The following ARMH1 variants were observed in gnomAD, a reference collection of about 807,000 sequenced individuals.
ARMH1 encodes the protein armadillo-like helical domain containing protein 1.
Under a neutral mutation model 50.2 loss-of-function variants are expected in ARMH1, and 34 were observed. The ratio of observed to expected loss-of-function variants is 0.68; its 90% CI spans 0.51 to 0.90. The LOEUF is 0.90. Among genes scored for constraint, ARMH1 ranks in the 40% least tolerant of loss-of-function variants. The probability of loss-of-function intolerance (pLI) is 0.00; values close to 1 mark genes in which losing one functional copy is unlikely to be tolerated. For synonymous variants in ARMH1, 221 were observed against 224.2 expected (o/e 0.99, Z 0.13); for missense variants, 538 against 553.9 (o/e 0.97, Z 0.29).
rs1441184531 is a variant in ARMH1 at position 44,683,692 on chromosome 1, A to G, written c.-22-5984A>G. 6.6e-6 allele frequency among the ~76,000 whole-genome samples: 1 copy of G among 152,208 alleles called. No individual in the cohort carries two copies. Among genetic ancestry groups the G allele is most frequent in the Admixed American group, 6.5e-5 (1 of 15,282 alleles). ...AGAACAGGATCCATGCCCTTGGCTT[A>G]GTGGGGAAAAACCTGGACTTTGGAG... On this transcript the variant is annotated intron_variant, in intron 1 of 11. Coordinates refer to ENST00000535358, the MANE Select transcript of ARMH1 (RefSeq NM_001145636.2). The surrounding 1 kb of genome is among the most constrained non-coding windows in gnomAD (Gnocchi z 4.2).
At chr1:44,716,525 C>G (rs1198874028) in intron 6 of ARMH1, among the ~76,000 whole-genome samples, 4 of 152,188 alleles carry the variant, frequency 2.6e-5, no homozygotes, top group African/African-American at 7.2e-5. Flanking sequence ...TCTCCAAGGT[C>G]CCAATCTCAG....
At chr1:44,691,269 T>A (rs1425332296) in intron 2 of ARMH1, among the ~76,000 whole-genome samples, 1 of 151,870 alleles carries the variant, frequency 6.6e-6, no homozygotes, top group Non-Finnish European at 1.5e-5. Flanking sequence ...AAACATTTTT[T>A]AAAAATTATA....
intron 6 of ARMH1, among the ~76,000 whole-genome samples, chr1:44,718,346 G>A (rs998157101): frequency 6.6e-6 from 1 of 152,208 alleles, no homozygotes; most frequent in African/African-American, 2.4e-5. Flanking sequence ...AGATGCATGA[G>A]GGGCCAGACC....
Position 44,725,408 on chromosome 1 carries a change from C to T in ARMH1, c.*5C>T. 6.4e-7 allele frequency: 1 copy of T among 1,551,686 alleles called. No individual in the cohort carries two copies. Among genetic ancestry groups the T allele is most frequent in the Non-Finnish European group, 8.7e-7 (1 of 1,146,914 alleles). ...GATGTAGAATCAAAGGAGTAACAGC[C>T]CCTGTGGCAAACCAGGAAGGCCAAG... On this transcript the variant is annotated 3_prime_UTR_variant, in exon 12 of 12. Transcript: ENST00000535358.
intron 5 of ARMH1, among the ~76,000 whole-genome samples, chr1:44,703,659 C>T (rs1192387097): frequency 1.3e-5 from 2 of 150,808 alleles, no homozygotes; most frequent in African/African-American, 4.9e-5. Flanking sequence ...GCCCAGGAGG[C>T]GGAGGTTGCA....
At chr1:44,689,583 C>G in intron 1 of ARMH1, 93 bp from the exon 2 acceptor site, 1 of 987,878 alleles carries the variant, frequency 1.0e-6, no homozygotes, top group Non-Finnish European at 1.5e-6. Context: ...CATGATAAAG[C>G]CACACCCTGC....
At chr1:44,699,898 C>G (rs1264813412) in intron 4 of ARMH1, among the ~76,000 whole-genome samples, 4 of 150,418 alleles carry the variant, frequency 2.7e-5, no homozygotes, top group African/African-American at 9.8e-5. Context: ...GGCACGGTCT[C>G]AGCTCACTAC....
chr1:44,680,437 G>C (rs1645270815), intron 1 of ARMH1, among the ~76,000 whole-genome samples: 1 of 152,236 alleles, frequency 6.6e-6, no homozygotes, highest in African/African-American at 2.4e-5. Flanking sequence ...GCTTCCCAAA[G>C]TGCTGGGATT....
At chr1:44,725,251 G>A (rs1262428315) in intron 11 of ARMH1, 34 bp downstream of exon 11, 11 of 1,551,510 alleles carry the variant, frequency 7.1e-6, no homozygotes, top group South Asian at 1.2e-5. Flanking sequence ...GGGCGCAGGC[G>A]CCGCCAGCAC....
At position 44,681,064 on chromosome 1, in the gene ARMH1, G is replaced by T. The variant is rs995546808; in HGVS notation, c.-23+6191G>T. ...GGCTGGAGTGTAGTGGCGTGATCTC[G>T]GCTCACTGCAAGCTCCACCTCCCGG... is the stretch of plus-strand genomic sequence containing the variant. On this transcript the variant is annotated intron_variant, in intron 1 of 11. Transcript: ENST00000535358. The surrounding 1 kb of genome is among the most constrained non-coding windows in gnomAD (Gnocchi z 4.3). Among the ~76,000 whole-genome samples the T allele has an allele frequency of 1.4e-5, 2 of 147,174 alleles. No individual in the cohort carries two copies. Among genetic ancestry groups the T allele is most frequent in the Non-Finnish European group, 3.0e-5 (2 of 67,494 alleles).
chr1:44,695,143 T>C (rs1253939807), intron 2 of ARMH1, among the ~76,000 whole-genome samples: 1 of 152,192 alleles, frequency 6.6e-6, no homozygotes, highest in Non-Finnish European at 1.5e-5. Flanking sequence ...CAGTAAGAGT[T>C]AGAATCCTAG....
intron 6 of ARMH1, among the ~76,000 whole-genome samples, chr1:44,719,374 A>G (rs913222816): frequency 6.6e-6 from 1 of 152,188 alleles, no homozygotes; most frequent in African/African-American, 2.4e-5. Context: ...GTTCTCTACT[A>G]GTAGCCTTTC....
intron 1 of ARMH1, among the ~76,000 whole-genome samples, chr1:44,677,526 A>C (rs760567214): frequency 5.3e-5 from 8 of 152,244 alleles, no homozygotes; most frequent in Non-Finnish European, 1.2e-4. Flanking sequence ...AAGTCAGAGA[A>C]TCCACATCTG....
chr1:44,709,488 CG>C (rs1164918621), intron 6 of ARMH1, among the ~76,000 whole-genome samples: 1 of 152,076 alleles, frequency 6.6e-6, no homozygotes, highest in Non-Finnish European at 1.5e-5. Context: ...CTGGCTAACA[CG>C]GTGAAACCCC....
intron 6 of ARMH1, among the ~76,000 whole-genome samples, chr1:44,711,572 A>G (rs1343245469): frequency 6.6e-6 from 1 of 152,150 alleles, no homozygotes; most frequent in East Asian, 1.9e-4. Flanking sequence ...GTGCTCATCA[A>G]ATATATGGTT....
At position 44,674,789 on chromosome 1, in the gene ARMH1, T is replaced by C; in HGVS notation, c.-107T>C. Reference sequence around the variant, plus strand: ...CACTCGTCCGAACAGAGTCCTATCCTACGCGGCGGAAGAGTGTGCCCTTTG... The same window carrying C: ...CACTCGTCCGAACAGAGTCCTATCCCACGCGGCGGAAGAGTGTGCCCTTTG... On this transcript the variant is annotated 5_prime_UTR_variant, in exon 1 of 12. Coordinates refer to ENST00000535358, the MANE Select transcript of ARMH1 (RefSeq NM_001145636.2). The C allele has an allele frequency of 5.4e-6, 1 of 185,140 alleles. No homozygotes were observed. The highest frequency in any genetic ancestry group is 1.1e-5 in the Non-Finnish European group (1 of 88,660). The allele number at this position is 185,140 out of a possible 1,614,324, so 11.5% of individuals were successfully genotyped here.
chr1:44,708,008 C>A (rs566580360), intron 6 of ARMH1, among the ~76,000 whole-genome samples: 1 of 152,244 alleles, frequency 6.6e-6, no homozygotes, highest in East Asian at 1.9e-4. Flanking sequence ...TTTAACCAGG[C>A]GCTTCAAAAT....
intron 1 of ARMH1, 106 bp downstream of exon 1, chr1:44,674,979 G>C (rs576397010): frequency 6.7e-6 from 1 of 148,938 alleles, no homozygotes; most frequent in South Asian, 2.0e-4. Context: ...GGATGGATGG[G>C]TGGATGGGAA....
chr1:44,685,624 C>CTT (rs1029524472), intron 1 of ARMH1, among the ~76,000 whole-genome samples: 1 of 145,056 alleles, frequency 6.9e-6, no homozygotes, highest in Admixed American at 6.9e-5. Flanking sequence ...TAGCTTATTT[C>CTT]TTTTTTTTTC....
Sources: allele counts gnomAD v4.1 joint callset (sites outside exome capture counted in the v4.1 genomes callset), GRCh38; gene constraint gnomAD v4.1.1; non-coding constraint Gnocchi (gnomAD v3.1); transcripts MANE v1.5; gene names NCBI Gene and HGNC (gene_info 2026-07-23, HGNC 2026-07-21).